The following CKAP2 variants were observed in gnomAD, a reference collection of about 807,000 sequenced individuals.
CKAP2 encodes the protein cytoskeleton-associated protein 2.
CKAP2 carries 46 observed loss-of-function variants against 58.4 expected under a neutral mutation model. The observed-to-expected ratio is 0.79, with a 90% CI of 0.62 to 1.01. The LOEUF is 1.01. Among genes scored for constraint, CKAP2 ranks in the 50% least tolerant of loss-of-function variants. The pLI is 0.00. For synonymous variants in CKAP2, 293 were observed against 280.9 expected (o/e 1.04, Z -0.43); for missense variants, 809 against 796.4 (o/e 1.02, Z -0.19).
chr13:52,469,440 T>TA (rs1475957616), intron 7 of CKAP2, among the ~76,000 whole-genome samples: 1 of 152,188 alleles, frequency 6.6e-6, no homozygotes, highest in East Asian at 1.9e-4. Flanking sequence ...TAGATGGAGA[T>TA]AAGAGATTCA....
At position 52,457,309 on chromosome 13, in the gene CKAP2, C is replaced by T. The variant is rs534825082; in HGVS notation, c.155+702C>T. 6.6e-5 allele frequency among the ~76,000 whole-genome samples: 10 copies of T among 152,276 alleles called. No homozygotes were observed. The East Asian group carries it at 1.9e-3, about 29-fold the overall frequency. ...CTTACTGTTTACACCACACAAAGGT[C>T]AGTCTTTCTATTATTTAGCAAAGCT... On this transcript the variant is annotated intron_variant, in intron 2 of 8. Coordinates refer to ENST00000258607, the MANE Select transcript of CKAP2 (RefSeq NM_018204.5).
chr13:52,460,833 C>G, intron 2 of CKAP2, 66 bp from the exon 3 acceptor site: 2 of 1,348,530 alleles, frequency 1.5e-6, no homozygotes, highest in Non-Finnish European at 2.1e-6. Flanking sequence ...CCTCTTCTTC[C>G]TCCCCAAAAG....
At chr13:52,456,116 T>C in intron 1 of CKAP2, 2 of 1,018,828 alleles carry the variant, frequency 2.0e-6, no homozygotes, top group Non-Finnish European at 2.3e-6. Context: ...AAACTAATAT[T>C]GTTATTCCCT....
Position 52,455,484 on chromosome 13 carries a change from T to TGCG in CKAP2, c.-65_-63dup, listed in dbSNP as rs1351970039. 14 of 1,566,210 alleles carry TGCG rather than the reference T, an allele frequency of 8.9e-6. No individual in the cohort carries two copies. Among genetic ancestry groups the TGCG allele is most frequent in the East Asian group, 6.7e-5 (3 of 44,522 alleles). On this transcript the variant is annotated 5_prime_UTR_variant, in exon 1 of 9. Coordinates refer to ENST00000258607, the MANE Select transcript of CKAP2 (RefSeq NM_018204.5). ...CTGACGGCTTAGCCGCGGTGCAGAC[T>TGCG]GCGGCGGCGGTGGTCTGAGGAAGTT...
At chr13:52,466,134 T>C (rs1455465747) in intron 6 of CKAP2, among the ~76,000 whole-genome samples, 2 of 152,106 alleles carry the variant, frequency 1.3e-5, no homozygotes, top group Non-Finnish European at 2.9e-5. Flanking sequence ...TCTAACATTA[T>C]TACCTCTATA....
chr13:52,460,849 C>G, intron 2 of CKAP2, 50 bp from the exon 3 acceptor site: 1 of 1,506,636 alleles, frequency 6.6e-7, no homozygotes, highest in African/African-American at 1.4e-5. Flanking sequence ...AAAAGGAAGC[C>G]TCCTTGGTAC....
intron 2 of CKAP2, 52 bp from the exon 3 acceptor site, chr13:52,460,847 G>A: frequency 6.8e-7 from 1 of 1,480,240 alleles, no homozygotes; most frequent in Non-Finnish European, 9.2e-7. Context: ...CCAAAAGGAA[G>A]CCTCCTTGGT....
chr13:52,474,042 G>A lies in CKAP2; in HGVS notation c.1760G>A (p.Cys587Tyr). ...CCCAATACAGAAACGAGGACAAGTTGCTTAATTAAATATAATGTGTCTACT... is the reference window on the plus strand; with the variant it reads ...CCCAATACAGAAACGAGGACAAGTTACTTAATTAAATATAATGTGTCTACT... ...KTPNTETRTS[C>Y]LIKYNVSTTP... is the part of the protein sequence containing the mutation. Residue 587 changes from cysteine to tyrosine, a missense_variant, in exon 8 of 9, where the codon TGC becomes TAC. Transcript: ENST00000258607. 1 of 1,613,856 alleles carries A rather than the reference G, an allele frequency of 6.2e-7. No individual in the cohort carries two copies. The highest frequency in any genetic ancestry group is 8.5e-7 in the Non-Finnish European group (1 of 1,179,838).
Position 52,465,442 on chromosome 13 carries a change from A to G in CKAP2, c.1453A>G (p.Lys485Glu). ...PIENIIAIYE[K>E]AILAGAQPIE... ...TGAAAATATTATTGCAATCTATGAG[A>G]AAGCCATTCTGGCAGGGGCTCAGGT... The change falls in exon 6 of 9, where the codon AAA becomes GAA. Residue 485 changes from lysine to glutamate, a missense_variant. By Grantham distance (56) the Lys-to-Glu change is moderately conservative. Coordinates refer to ENST00000258607, the MANE Select transcript of CKAP2 (RefSeq NM_018204.5). 6.2e-7 allele frequency: 1 copy of G among 1,613,482 alleles called. No individual in the cohort carries two copies. Among genetic ancestry groups the G allele is most frequent in the Non-Finnish European group, 8.5e-7 (1 of 1,179,600 alleles).
chr13:52,473,630 A>G (rs1013501936), intron 7 of CKAP2, 199 bp from the exon 8 acceptor site: 3 of 491,370 alleles, frequency 6.1e-6, no homozygotes, highest in Non-Finnish European at 1.1e-5. Flanking sequence ...CTTATTTCAT[A>G]TATAGCATTT....
chr13:52,464,202 T>C (rs2137850351), intron 5 of CKAP2, among the ~76,000 whole-genome samples: 1 of 152,256 alleles, frequency 6.6e-6, no homozygotes, highest in South Asian at 2.1e-4. Context: ...GCAACACAAA[T>C]ACTGTGTGAG....
At chr13:52,469,061 A>G (rs1958722452) in intron 7 of CKAP2, among the ~76,000 whole-genome samples, 1 of 152,212 alleles carries the variant, frequency 6.6e-6, no homozygotes, top group African/African-American at 2.4e-5. Context: ...CCTTTTAAGG[A>G]TAGCCATTCT....
At position 52,461,169 on chromosome 13, in the gene CKAP2, A is replaced by C. The variant is rs1958568393; in HGVS notation, c.343A>C (p.Ile115Leu). The change falls in exon 4 of 9, where the codon ATT becomes CTT. Residue 115 changes from isoleucine (I) to leucine (L), a missense_variant. By Grantham distance (5) the Ile-to-Leu change is conservative. Coordinates refer to ENST00000258607, the MANE Select transcript of CKAP2 (RefSeq NM_018204.5). ...TGAACTAACCAATTCAACTGTAGTAATTGACACACATAAACCTAAGGATAG... is the reference window on the plus strand; with the variant it reads ...TGAACTAACCAATTCAACTGTAGTACTTGACACACATAAACCTAAGGATAG... The part of the protein sequence containing the change: ...SNELTNSTVV[I>L]DTHKPKDSNQ... The C allele has an allele frequency of 1.2e-6, 2 of 1,613,826 alleles. No homozygotes were observed. The highest frequency in any genetic ancestry group is 2.7e-5 in the African/African-American group (2 of 75,058).
chr13:52,474,111 T>G, intron 8 of CKAP2, 27 bp downstream of exon 8: 1 of 1,587,820 alleles, frequency 6.3e-7, no homozygotes, highest in Non-Finnish European at 8.6e-7. Context: ...TACCATGATT[T>G]GTTTTCATGC....
chr13:52,469,722 G>A (rs866531436), intron 7 of CKAP2, among the ~76,000 whole-genome samples: 12 of 149,842 alleles, frequency 8.0e-5, no homozygotes, highest in Non-Finnish European at 1.5e-4. Flanking sequence ...TCAGCCTCCC[G>A]AGTAGCTGGG....
chr13:52,456,042 G>A (rs1207819536), intron 1 of CKAP2: 2 of 1,036,310 alleles, frequency 1.9e-6, no homozygotes, highest in Admixed American at 5.6e-5. Context: ...CGCATCATGT[G>A]TTATTTCCAA....
Position 52,455,678 on chromosome 13 carries a change from G to C in CKAP2, c.70+52G>C, listed in dbSNP as rs1057291903. ...GGCGGTGGCGGTGGCGGTGGCGGGC[G>C]CGGGCCCGGCGGTCGGGGCTCGGGG... On this transcript the variant is annotated intron_variant, in intron 1 of 8. Transcript: ENST00000258607. 4.2e-6 allele frequency: 6 copies of C among 1,439,740 alleles called. No homozygotes were observed. In the African/African-American group the frequency reaches 9.0e-5, roughly 22 times the overall value. 89.2% of individuals were successfully genotyped at this position (1,439,740 alleles called of 1,614,324 possible).
chr13:52,470,353 C>T (rs556285833), intron 7 of CKAP2, among the ~76,000 whole-genome samples: 1 of 152,106 alleles, frequency 6.6e-6, no homozygotes, highest in Non-Finnish European at 1.5e-5. Flanking sequence ...GATCCGCCCA[C>T]CTTGGCCTTC....
At position 52,456,562 on chromosome 13, in the gene CKAP2, GAA is replaced by G; in HGVS notation, c.114_115del (p.Lys38AsnfsTer10). ...AAACTCAAGGAACATCTGTTGAGAA[GAA>G]AAACGCTTTTTGCATACAAGCAGGA... On this transcript the variant is annotated frameshift_variant, in exon 2 of 9. Transcript: ENST00000258607. LOFTEE classifies it high-confidence loss of function. 1 of 1,613,780 alleles carries G rather than the reference GAA, an allele frequency of 6.2e-7. No homozygotes were observed. Among genetic ancestry groups the G allele is most frequent in the Non-Finnish European group, 8.5e-7 (1 of 1,179,852 alleles).
Sources: allele counts gnomAD v4.1 joint callset (sites outside exome capture counted in the v4.1 genomes callset), GRCh38; gene constraint gnomAD v4.1.1; transcripts MANE v1.5; gene names NCBI Gene and HGNC (gene_info 2026-07-23, HGNC 2026-07-21).